Variants in CARD8 observed in about 807,000 individuals in gnomAD.
CARD8 encodes caspase recruitment domain family member 8, also known as caspase recruitment domain-containing protein 8.
Under a neutral mutation model 53.2 loss-of-function variants are expected in CARD8, and 38 were observed. That is an observed-to-expected ratio of 0.71 (90% CI 0.55 to 0.94). CARD8 has a LOEUF of 0.94. Ranked by LOEUF, CARD8 falls within the 40% of genes least tolerant of loss-of-function variation. CARD8 has a pLI of 0.00. For synonymous variants in CARD8, 245 were observed against 244.9 expected (o/e 1.00, Z 0.00); for missense variants, 561 against 655.5 (o/e 0.86, Z 1.57).
chr19:48,204,018 T>C (rs375414716), downstream of CARD8: 20 of 378,408 alleles, frequency 5.3e-5, no homozygotes, highest in East Asian at 8.0e-4. Context: ...ATGTGCAGGC[T>C]GCGGGGTGTT....
At chr19:48,229,387 A>G (rs1036102849) in intron 10 of CARD8, among the ~76,000 whole-genome samples, 2 of 152,212 alleles carry the variant, frequency 1.3e-5, no homozygotes, top group Non-Finnish European at 2.9e-5. Flanking sequence ...ATGAAAACAG[A>G]AGTTATGCAA....
intron 10 of CARD8, among the ~76,000 whole-genome samples, chr19:48,226,328 A>G (rs2041785279): frequency 6.6e-6 from 1 of 152,148 alleles, no homozygotes; most frequent in African/African-American, 2.4e-5. Flanking sequence ...GGTTCAAGCA[A>G]TTCTCATGCC....
At chr19:48,204,027 T>C (rs1485163452), downstream of CARD8, 1 of 381,752 alleles carries the variant, frequency 2.6e-6, no homozygotes, top group Admixed American at 3.0e-5. Context: ...CTGCGGGGTG[T>C]TTCCTTCGTC....
intron 10 of CARD8, among the ~76,000 whole-genome samples, chr19:48,222,684 GTCTCACC>G: frequency 6.7e-6 from 1 of 148,330 alleles, no homozygotes; most frequent in African/African-American, 2.5e-5. Flanking sequence ...GCGAGACTCT[GTCTCACC>G]AAAAAAAAAA....
chr19:48,253,294 A>G (rs1372251369), intron 1 of CARD8, among the ~76,000 whole-genome samples: 7 of 152,150 alleles, frequency 4.6e-5, no homozygotes, highest in Admixed American at 3.9e-4. Context: ...CAATTTGGCC[A>G]GGCTGGTCTC....
At chr19:48,224,989 G>A (rs554558944) in intron 10 of CARD8, among the ~76,000 whole-genome samples, 26 of 151,636 alleles carry the variant, frequency 1.7e-4, no homozygotes, top group African/African-American at 4.8e-4. Flanking sequence ...TCCTGCCCTC[G>A]TGATCCGCCC....
At chr19:48,239,819 CA>C (rs1568876456) in intron 4 of CARD8, among the ~76,000 whole-genome samples, 1 of 152,054 alleles carries the variant, frequency 6.6e-6, no homozygotes, top group African/African-American at 2.4e-5. Context: ...AGCTTGTGAA[CA>C]ATATAAATGT....
rs749818891 is a variant in CARD8 at position 48,218,852 on chromosome 19, G to C, written c.1303+19C>G. On this transcript the variant is annotated intron_variant, in intron 12 of 13. Transcript: ENST00000651546. ...GATGGATCCCTGTCTAAAAATGCCA[G>C]CCTCGCCCACTCACCTACCTGGCTT... 1.2e-6 allele frequency: 2 copies of C among 1,613,278 alleles called. No individual in the cohort carries two copies. The highest frequency in any genetic ancestry group is 4.5e-5 in the East Asian group (2 of 44,878).
chr19:48,234,442 G>C lies in CARD8; in HGVS notation c.311C>G (p.Ala104Gly). The change falls in exon 6 of 14, where the codon GCT becomes GGT. Residue 104 changes from alanine to glycine, a missense_variant. Transcript: ENST00000651546. ...ETEAEPLLFR[A>G]VPECQLSGGD... ...CCCAGATAGTTGACACTCAGGAACA[G>C]CACGGAACAATAATGGCTCTGCCTC... 1 of 1,613,820 alleles carries C rather than the reference G, an allele frequency of 6.2e-7. No individual in the cohort carries two copies. Among genetic ancestry groups the C allele is most frequent in the Non-Finnish European group, 8.5e-7 (1 of 1,179,838 alleles).
intron 3 of CARD8, among the ~76,000 whole-genome samples, chr19:48,247,705 A>G: frequency 6.6e-6 from 1 of 151,200 alleles, no homozygotes; most frequent in East Asian, 1.9e-4. Flanking sequence ...TAAAATTTTC[A>G]CACGCAAAAT....
intron 6 of CARD8, chr19:48,233,494 G>A: frequency 2.4e-6 from 1 of 418,516 alleles, no homozygotes; most frequent in Non-Finnish European, 4.8e-6. Flanking sequence ...CCCCTGGGCT[G>A]ACATCCTAAG....
chr19:48,227,167 T>C (rs1034419971), intron 10 of CARD8, among the ~76,000 whole-genome samples: 29 of 151,488 alleles, frequency 1.9e-4, no homozygotes, highest in African/African-American at 6.8e-4. Flanking sequence ...AATGACTCAA[T>C]GAAATTTAGT....
chr19:48,215,793 A>G (rs1178748671), intron 12 of CARD8, among the ~76,000 whole-genome samples: 2 of 152,212 alleles, frequency 1.3e-5, no homozygotes, highest in Non-Finnish European at 2.9e-5. Flanking sequence ...GGGTACCCTT[A>G]TAAGTTGATA....
At chr19:48,215,417 G>A (rs766449245) in intron 12 of CARD8, 33 bp from the exon 13 acceptor site, 1 of 1,489,070 alleles carries the variant, frequency 6.7e-7, no homozygotes, top group South Asian at 1.1e-5. Flanking sequence ...ATGATGAGAT[G>A]AGATAAATCA....
intron 10 of CARD8, among the ~76,000 whole-genome samples, chr19:48,227,495 G>A (rs531062254): frequency 6.6e-6 from 1 of 152,284 alleles, no homozygotes; most frequent in Admixed American, 6.5e-5. Flanking sequence ...GAGGCGATTT[G>A]AGGAGAGACT....
At chr19:48,252,808 T>TATATATACACACACACACACACACAC (rs113740488) in intron 1 of CARD8, among the ~76,000 whole-genome samples, 1 of 148,182 alleles carries the variant, frequency 6.7e-6, no homozygotes, top group Admixed American at 6.8e-5. Flanking sequence ...TATCAGTATA[T>TATATATACACACACACACACACACAC]ACACACACAC....
intron 1 of CARD8, among the ~76,000 whole-genome samples, chr19:48,252,421 T>C (rs117855218): frequency 0.037 from 5,555 of 151,762 alleles, 173 homozygotes; most frequent in Non-Finnish European, 0.051. Flanking sequence ...TGTTTACATA[T>C]ATATGCATAT....
chr19:48,248,817 T>C (rs1363670800), intron 3 of CARD8, among the ~76,000 whole-genome samples: 1 of 152,242 alleles, frequency 6.6e-6, no homozygotes. Flanking sequence ...AATGGATACA[T>C]TGATTATAAT....
chr19:48,203,500 A>C (rs1457316695), downstream of CARD8: 1 of 152,368 alleles, frequency 6.6e-6, no homozygotes, highest in Non-Finnish European at 1.5e-5. Context: ...GGGCTTTGTG[A>C]GGATGAATGA....
Sources: allele counts gnomAD v4.1 joint callset (sites outside exome capture counted in the v4.1 genomes callset), GRCh38; gene constraint gnomAD v4.1.1; transcripts MANE v1.5; gene names NCBI Gene and HGNC (gene_info 2026-07-23, HGNC 2026-07-21).